Variants in ZBTB7A observed in about 807,000 individuals in gnomAD.
The protein encoded by ZBTB7A is zinc finger and BTB domain containing 7A.
Under a neutral mutation model 26.7 loss-of-function variants are expected in ZBTB7A, and 7 were observed. That is an observed-to-expected ratio of 0.26 (90% confidence interval 0.15 to 0.49). The LOEUF (loss-of-function observed/expected upper bound fraction) is 0.49, where lower values mean the gene tolerates loss of function less well. Ranked by LOEUF, ZBTB7A falls within the 20% of genes least tolerant of loss-of-function variation. The pLI is 0.98. For missense variants in ZBTB7A, 617 were observed against 919.5 expected (o/e 0.67, Z 4.25); for synonymous variants, 452 against 441.0 (o/e 1.02, Z -0.31).
chr19:4,047,962 G>T lies in ZBTB7A; in HGVS notation c.1545C>A (p.Thr515=), dbSNP rs770934571. Residue 515 remains threonine, a synonymous_variant, in exon 3 of 3, where the codon ACC becomes ACA. Transcript: ENST00000322357. Reference sequence around the variant, plus strand: ...GCTGGGCGGGGGCGCCGGGGGTCGCGGTGGCCCCCGGGCTGGGGTCGGGCG... The same window carrying T: ...GCTGGGCGGGGGCGCCGGGGGTCGCTGTGGCCCCCGGGCTGGGGTCGGGCG... ...GGAPDPSPGA[T]ATPGAPAQPS... The T allele has an allele frequency of 1.9e-5, 24 of 1,245,780 alleles. No homozygotes were observed. The highest frequency in any genetic ancestry group is 2.4e-5 in the South Asian group (1 of 42,196). The allele number at this position is 1,245,780 out of a possible 1,614,324, so 77.2% of individuals were successfully genotyped here.
intron 1 of ZBTB7A, among the ~76,000 whole-genome samples, chr19:4,063,787 C>T (rs541296127): frequency 6.6e-6 from 1 of 152,292 alleles, no homozygotes; most frequent in South Asian, 2.1e-4. Context: ...TCTGACCCCA[C>T]CTGAGTGACC....
chr19:4,051,050 A>C (rs1048751267), intron 2 of ZBTB7A, among the ~76,000 whole-genome samples: 1 of 132,450 alleles, frequency 7.6e-6, no homozygotes, highest in Non-Finnish European at 1.5e-5. Flanking sequence ...GTGAGCTGAG[A>C]TCGTGCCACT....
intron 1 of ZBTB7A, among the ~76,000 whole-genome samples, chr19:4,059,240 C>A (rs750096884): frequency 6.6e-6 from 1 of 152,236 alleles, no homozygotes; most frequent in Non-Finnish European, 1.5e-5. Flanking sequence ...TTCCTCCCCT[C>A]GGGTGACCAG....
intron 1 of ZBTB7A, chr19:4,061,646 T>TG (rs1395464491): frequency 2.6e-5 from 4 of 152,110 alleles, no homozygotes; most frequent in African/African-American, 9.7e-5. Flanking sequence ...TTGCCCTAAA[T>TG]GGGGAGGGGC....
chr19:4,047,690 T>G lies in ZBTB7A; in HGVS notation c.*62A>C. 6.5e-7 allele frequency: 1 copy of G among 1,531,838 alleles called. No individual in the cohort carries two copies. The highest frequency in any genetic ancestry group is 8.7e-7 in the Non-Finnish European group (1 of 1,143,066). 94.9% of individuals were successfully genotyped at this position (1,531,838 alleles called of 1,614,324 possible). On this transcript the variant is annotated 3_prime_UTR_variant, in exon 3 of 3. Coordinates refer to ENST00000322357, the MANE Select transcript of ZBTB7A (RefSeq NM_015898.4). ...TTTGTGTTTTTGGGGGGGTGGTGGG[T>G]GATTTTTTTTCTCTCTCTCTGTCTC...
At chr19:4,049,168 G>GTGTGTATATATA (rs1403864466) in intron 2 of ZBTB7A, among the ~76,000 whole-genome samples, 2 of 14,954 alleles carry the variant, frequency 1.3e-4, no homozygotes, top group African/African-American at 2.8e-4. Flanking sequence ...GTGTGTGTGT[G>GTGTGTATATATA]TATATATATA....
Position 4,045,232 on chromosome 19 carries a change from G to C in ZBTB7A, c.*2520C>G, listed in dbSNP as rs1052432931. On this transcript the variant is annotated 3_prime_UTR_variant, in exon 3 of 3. Transcript: ENST00000322357. This position sits in a 1 kb window ranked among gnomAD's most constrained non-coding sequence, Gnocchi z 4.1. ...GACGACAGCTGTGATTTTAGAGTTG[G>C]TTTTATTGCGAGGGGGTGCATGGAT... 1 of 152,252 alleles carries C rather than the reference G, an allele frequency of 6.6e-6. No individual in the cohort carries two copies. The highest frequency in any genetic ancestry group is 2.4e-5 in the African/African-American group (1 of 41,440). 9.4% of individuals were successfully genotyped at this position (152,252 alleles called of 1,614,324 possible). A position where few individuals can be genotyped will look rare whatever the true frequency, so the allele number is the denominator to read the frequency against.
At position 4,053,930 on chromosome 19, in the gene ZBTB7A, C is replaced by T. The variant is rs778732589; in HGVS notation, c.1262+41G>A. On this transcript the variant is annotated intron_variant, in intron 2 of 2. Transcript: ENST00000322357. ...GGGTCGTGAGCGGCGGATGCTGGGGCAGAGAGCAGGACGGCGCCTCCCCCG... is the reference window on the plus strand; with the variant it reads ...GGGTCGTGAGCGGCGGATGCTGGGGTAGAGAGCAGGACGGCGCCTCCCCCG... 3.9e-6 allele frequency: 6 copies of T among 1,541,558 alleles called. No individual in the cohort carries two copies. In the African/African-American group the frequency reaches 6.8e-5, roughly 17 times the overall value.
chr19:4,063,142 G>A (rs1370185101), intron 1 of ZBTB7A, among the ~76,000 whole-genome samples: 1 of 152,158 alleles, frequency 6.6e-6, no homozygotes, highest in Non-Finnish European at 1.5e-5. Context: ...CCACACTCAG[G>A]TCTCTGCCAT....
intron 1 of ZBTB7A, chr19:4,061,939 AG>A (rs2040642200): frequency 6.6e-6 from 1 of 152,298 alleles, no homozygotes; most frequent in South Asian, 2.1e-4. Flanking sequence ...GACTCTCGGA[AG>A]CCCATCCTTG....
chr19:4,046,218 G>T lies in ZBTB7A; in HGVS notation c.*1534C>A. On this transcript the variant is annotated 3_prime_UTR_variant, in exon 3 of 3. Transcript: ENST00000322357. Reference sequence around the variant, plus strand: ...GAACACCCCACAGTCCTGCCTTCGAGGCTGACGTCTGGGGGTGAAGCACAA... The same window carrying T: ...GAACACCCCACAGTCCTGCCTTCGATGCTGACGTCTGGGGGTGAAGCACAA... 2.5e-6 allele frequency: 1 copy of T among 396,966 alleles called. No individual in the cohort carries two copies. The highest frequency in any genetic ancestry group is 4.4e-6 in the Non-Finnish European group (1 of 225,342). The allele number at this position is 396,966 out of a possible 1,614,324, so 24.6% of individuals were successfully genotyped here.
Position 4,046,085 on chromosome 19 carries a change from G to GA in ZBTB7A, c.*1666_*1667insT, listed in dbSNP as rs1157979527. The GA allele has an allele frequency of 2.5e-6, 1 of 398,924 alleles. No homozygotes were observed. Among genetic ancestry groups the GA allele is most frequent in the East Asian group, 3.6e-5 (1 of 28,082 alleles). The allele number at this position is 398,924 out of a possible 1,614,324, so 24.7% of individuals were successfully genotyped here. ...CTCCGGCTGGAAGGCCCATCCCTGA[G>GA]CTAGGGAGGAGGAAGGAGAGACCCC... On this transcript the variant is annotated 3_prime_UTR_variant, in exon 3 of 3. Transcript: ENST00000322357.
chr19:4,064,522 C>G (rs934892783), intron 1 of ZBTB7A, among the ~76,000 whole-genome samples: 3 of 152,280 alleles, frequency 2.0e-5, no homozygotes, highest in Admixed American at 6.5e-5. Context: ...CTGCCCCAGC[C>G]TGGCCTCCCC....
Position 4,047,679 on chromosome 19 carries a change from G to A in ZBTB7A, c.*73C>T. 6.6e-7 allele frequency: 1 copy of A among 1,520,796 alleles called. No homozygotes were observed. The highest frequency in any genetic ancestry group is 8.8e-7 in the Non-Finnish European group (1 of 1,135,512). The allele number at this position is 1,520,796 out of a possible 1,614,324, so 94.2% of individuals were successfully genotyped here. Reference sequence around the variant, plus strand: ...GATTTTCTTTTTTTGTGTTTTTGGGGGGGTGGTGGGTGATTTTTTTTCTCT... The same window carrying A: ...GATTTTCTTTTTTTGTGTTTTTGGGAGGGTGGTGGGTGATTTTTTTTCTCT... On this transcript the variant is annotated 3_prime_UTR_variant, in exon 3 of 3. Coordinates refer to ENST00000322357, the MANE Select transcript of ZBTB7A (RefSeq NM_015898.4).
At chr19:4,064,674 C>CGG (rs2040673834) in intron 1 of ZBTB7A, among the ~76,000 whole-genome samples, 2 of 152,170 alleles carry the variant, frequency 1.3e-5, no homozygotes, top group Non-Finnish European at 1.5e-5. Flanking sequence ...ACGGAATCCC[C>CGG]ACGCCCTCTC....
rs773046496 is a variant in ZBTB7A at position 4,048,000 on chromosome 19, C to T, written c.1507G>A (p.Val503Ile). The change falls in exon 3 of 3, where the codon GTC becomes ATC. Residue 503 changes from valine (V) to isoleucine (I), a missense_variant. Val to Ile is a conservative substitution (Grantham distance 29, BLOSUM62 3). Around this residue, in one of 5 missense-constraint regions of ZBTB7A, gnomAD observed 27 missense variants for 38.7 expected, o/e 0.70. Coordinates refer to ENST00000322357, the MANE Select transcript of ZBTB7A (RefSeq NM_015898.4). ...CTGGGGTCGGGCGCCCCGCCCCGGACGCGGGGCTTGCGGCCGCGGCGCGAG... is the reference window on the plus strand; with the variant it reads ...CTGGGGTCGGGCGCCCCGCCCCGGATGCGGGGCTTGCGGCCGCGGCGCGAG... The part of the protein sequence containing the change: ...VPSRRGRKPR[V>I]RGGAPDPSPG... 8.8e-6 allele frequency: 12 copies of T among 1,369,634 alleles called. No homozygotes were observed. Among genetic ancestry groups the T allele is most frequent in the African/African-American group, 1.5e-5 (1 of 65,718 alleles). 84.8% of individuals were successfully genotyped at this position (1,369,634 alleles called of 1,614,324 possible). A position where few individuals can be genotyped will look rare whatever the true frequency, so the allele number is the denominator to read the frequency against.
In ZBTB7A at chr19:4,044,129, C is replaced by T. The variant is rs2040382532; in HGVS notation, c.*3623G>A. ...CCGGGGTCTGAATCGTGCAAAGACC[C>T]CTGTCCCCCACCTTCCCTGCAGCCG... On this transcript the variant is annotated 3_prime_UTR_variant, in exon 3 of 3. Transcript: ENST00000322357. 6.6e-6 allele frequency among the ~76,000 whole-genome samples: 1 copy of T among 152,000 alleles called. No homozygotes were observed. Among genetic ancestry groups the T allele is most frequent in the Non-Finnish European group, 1.5e-5 (1 of 67,974 alleles).
intron 1 of ZBTB7A, among the ~76,000 whole-genome samples, chr19:4,056,397 C>A (rs1201059956): frequency 6.6e-6 from 1 of 152,210 alleles, no homozygotes; most frequent in African/African-American, 2.4e-5. Context: ...ACTGGCACCA[C>A]CCCTCCGAGG....
intron 1 of ZBTB7A, among the ~76,000 whole-genome samples, chr19:4,060,407 G>A (rs192979878): frequency 6.6e-6 from 1 of 152,228 alleles, no homozygotes; most frequent in Non-Finnish European, 1.5e-5. Context: ...ACGGCACCCG[G>A]GCCGCATTTC....
Sources: gnomAD v4.1 joint callset for allele counts (sites outside exome capture counted in the v4.1 genomes callset) on GRCh38, gnomAD v4.1.1 for gene constraint, gnomAD v4.1.1 regional missense constraint, Gnocchi (gnomAD v3.1) non-coding constraint, MANE v1.5 for transcripts, NCBI Gene and HGNC (gene_info 2026-07-23, HGNC 2026-07-21) for gene names.